AGMO: variants seen among roughly 807,000 people sequenced by gnomAD.
The protein encoded by AGMO is glyceryl-ether monooxygenase.
A neutral mutation model predicts 60.2 loss-of-function variants in AGMO; 75 were observed. The observed-to-expected ratio is 1.25, with a 90% confidence interval of 1.03 to 1.51. AGMO has a LOEUF of 1.51. Ranked by LOEUF, AGMO falls within the 40% of genes most tolerant of loss-of-function variation. The pLI, the probability that AGMO is intolerant of heterozygous loss-of-function variation, is 0.00. For synonymous variants in AGMO, 261 were observed against 177.1 expected, an observed-to-expected ratio of 1.47 and a Z score of -3.76; for missense variants, 763 against 525.5, an observed-to-expected ratio of 1.45 and a Z score of -4.42.
chr7:15,416,771 G>A (rs1026382890), intron 5 of AGMO, among the ~76,000 whole-genome samples: 3 of 152,150 alleles, frequency 2.0e-5, no homozygotes, highest in African/African-American at 7.2e-5. Flanking sequence ...AACATAAAGT[G>A]AGTATCTTTC....
chr7:15,438,712 G>T (rs1311225580), intron 3 of AGMO, among the ~76,000 whole-genome samples: 1 of 152,164 alleles, frequency 6.6e-6, no homozygotes, highest in Non-Finnish European at 1.5e-5. Context: ...AAAGACACCA[G>T]ATGGAAGGAT....
intron 4 of AGMO, among the ~76,000 whole-genome samples, chr7:15,428,029 C>CAATGTGAAATGAGCTTA (rs374679227): frequency 7.9e-5 from 12 of 152,042 alleles, no homozygotes; most frequent in Admixed American, 1.3e-4. Flanking sequence ...TTTCACATTT[C>CAATGTGAAATGAGCTTA]ATTTCACAGA....
At position 15,394,152 on chromosome 7, in the gene AGMO, G is replaced by A; in HGVS notation, c.637C>T (p.Leu213=). The part of the protein sequence containing the change: ...EVINNLGPLE[L]ILNTPSHHRV... Reference sequence around the variant, plus strand: ...TGATGGCTAGGAGTATTAAGAATCAGTTCCAAAGGACCAAGGTTATTGATG... The same window carrying A: ...TGATGGCTAGGAGTATTAAGAATCAATTCCAAAGGACCAAGGTTATTGATG... Residue 213 remains leucine (L), a synonymous_variant, in exon 6 of 13, where the codon CTG becomes TTG. Transcript: ENST00000342526. 6.2e-7 allele frequency: 1 copy of A among 1,612,052 alleles called. No individual in the cohort carries two copies. Among genetic ancestry groups the A allele is most frequent in the Non-Finnish European group, 8.5e-7 (1 of 1,178,418 alleles).
the AGMO span, among the ~76,000 whole-genome samples, chr7:15,129,945 G>C: frequency 2.0e-5 from 3 of 152,098 alleles, no homozygotes; most frequent in Admixed American, 1.3e-4. Context: ...CCATGCTCGA[G>C]TAATCCCAAG....
chr7:15,209,703 T>G (rs982959826), intron 12 of AGMO, among the ~76,000 whole-genome samples: 1 of 152,156 alleles, frequency 6.6e-6, no homozygotes, highest in African/African-American at 2.4e-5. Flanking sequence ...ATGCCAGAAC[T>G]GGACCCAAGG....
chr7:15,270,595 A>ATTTTTTTTTTTTTTTTTTTTT (rs1783570327), intron 12 of AGMO, among the ~76,000 whole-genome samples: 1 of 57,624 alleles, frequency 1.7e-5, no homozygotes, highest in Non-Finnish European at 3.4e-5. Context: ...ATCTGTTGAT[A>ATTTTTTTTTTTTTTTTTTTTT]ATTTTTTTTT....
intron 3 of AGMO, among the ~76,000 whole-genome samples, chr7:15,537,559 C>T (rs1043342076): frequency 8.5e-5 from 13 of 152,110 alleles, no homozygotes; most frequent in African/African-American, 2.9e-4. Flanking sequence ...ATTGCACAGC[C>T]GCCCTCGGTT....
chr7:15,257,195 A>G (rs1783123978), intron 12 of AGMO, among the ~76,000 whole-genome samples: 1 of 152,176 alleles, frequency 6.6e-6, no homozygotes, highest in Non-Finnish European at 1.5e-5. Context: ...CTTCAAATGC[A>G]TTATTTACAT....
intron 3 of AGMO, among the ~76,000 whole-genome samples, chr7:15,522,178 C>T (rs1334312670): frequency 6.6e-6 from 1 of 152,066 alleles, no homozygotes; most frequent in Non-Finnish European, 1.5e-5. Context: ...AACTACAAAC[C>T]ACTGCTCAAG....
chr7:15,193,286 CAT>C, the AGMO span, among the ~76,000 whole-genome samples: 2 of 152,126 alleles, frequency 1.3e-5, no homozygotes, highest in African/African-American at 2.4e-5. Flanking sequence ...TTAACTCCAA[CAT>C]ATGTCATAGC....
intron 12 of AGMO, among the ~76,000 whole-genome samples, chr7:15,223,804 T>A (rs1563042456): frequency 6.7e-6 from 1 of 150,218 alleles, no homozygotes; most frequent in Non-Finnish European, 1.5e-5. Flanking sequence ...AATATTCTTG[T>A]TATGAAATTT....
chr7:15,187,874 G>C, the AGMO span, among the ~76,000 whole-genome samples: 4 of 134,490 alleles, frequency 3.0e-5, no homozygotes, highest in Non-Finnish European at 6.3e-5. Context: ...AGGATCTCTC[G>C]GGTAAATTCG....
intron 3 of AGMO, among the ~76,000 whole-genome samples, chr7:15,482,155 T>A (rs1562529270): frequency 6.7e-6 from 1 of 150,140 alleles, no homozygotes; most frequent in Non-Finnish European, 1.5e-5. Flanking sequence ...AAAGAAGAAA[T>A]AAAAAATTAA....
chr7:15,305,240 TAAAA>T (rs11351669), intron 12 of AGMO, among the ~76,000 whole-genome samples: 1 of 117,964 alleles, frequency 8.5e-6, no homozygotes, highest in Non-Finnish European at 1.9e-5. Flanking sequence ...GCAATCTGGT[TAAAA>T]AAAAAAAAAA....
At chr7:15,400,356 T>C (rs1249822389) in intron 5 of AGMO, among the ~76,000 whole-genome samples, 2 of 152,178 alleles carry the variant, frequency 1.3e-5, no homozygotes, top group Non-Finnish European at 2.9e-5. Flanking sequence ...TAGTGAGCAG[T>C]GGTGGGTTTA....
chr7:15,137,226 T>G, the AGMO span, among the ~76,000 whole-genome samples: 1 of 152,240 alleles, frequency 6.6e-6, no homozygotes. Context: ...CTAGAAAGCT[T>G]TGCATATTCT....
At chr7:15,207,865 C>A (rs186506115) in intron 12 of AGMO, among the ~76,000 whole-genome samples, 10 of 152,146 alleles carry the variant, frequency 6.6e-5, no homozygotes, top group African/African-American at 1.9e-4. Flanking sequence ...AGCCAGGAGG[C>A]GGAGCTTGCA....
chr7:15,205,409 A>G (rs1288005144), intron 12 of AGMO, among the ~76,000 whole-genome samples: 1 of 150,336 alleles, frequency 6.7e-6, no homozygotes, highest in East Asian at 1.9e-4. Context: ...TGAAATTGCT[A>G]ATTTTTTTGG....
rs549512471 is a variant in AGMO at position 15,272,211 on chromosome 7, T to G, written c.1264-70852A>C. Among the ~76,000 whole-genome samples, 7 of 151,684 alleles carry G rather than the reference T, an allele frequency of 4.6e-5. No individual in the cohort carries two copies. The East Asian group carries it at 1.4e-3, about 30-fold the overall frequency. On this transcript the variant is annotated intron_variant, in intron 12 of 12. Coordinates refer to ENST00000342526, the MANE Select transcript of AGMO (RefSeq NM_001004320.2). ...TTGTTACATATGTATACATGTGCCATGTTGGTGTGCTGCACCCATTAACTC... is the reference window on the plus strand; with the variant it reads ...TTGTTACATATGTATACATGTGCCAGGTTGGTGTGCTGCACCCATTAACTC...
Sources: allele counts gnomAD v4.1 joint callset (sites outside exome capture counted in the v4.1 genomes callset), GRCh38; gene constraint gnomAD v4.1.1; transcripts MANE v1.5; gene names NCBI Gene and HGNC (gene_info 2026-07-23, HGNC 2026-07-21).